EMSY: variants seen among roughly 807,000 people sequenced by gnomAD.
The protein encoded by EMSY is BRCA2-interacting transcriptional repressor EMSY.
A neutral mutation model predicts 134.6 loss-of-function variants in EMSY; 26 were observed. That is an observed-to-expected ratio of 0.19 (90% CI 0.14 to 0.27). The LOEUF is 0.27. Among genes scored for constraint, EMSY ranks in the 10% least tolerant of loss-of-function variants. The pLI is 1.00. For missense variants in EMSY, 1,305 were observed against 1,611.4 expected (o/e 0.81, Z 3.26); for synonymous variants, 579 against 577.8 (o/e 1.00, Z -0.03).
At chr11:76,495,974 A>G (rs1012339337) in intron 8 of EMSY, among the ~76,000 whole-genome samples, 1 of 152,166 alleles carries the variant, frequency 6.6e-6, no homozygotes, top group Non-Finnish European at 1.5e-5. Context: ...CTCTTCACCA[A>G]GGGAAAATCA....
intron 5 of EMSY, chr11:76,459,220 A>G (rs1478456480): frequency 6.6e-6 from 1 of 152,184 alleles, no homozygotes; most frequent in Non-Finnish European, 1.5e-5. Flanking sequence ...GTCATTTCCT[A>G]GCTGTATGAC....
rs189360082 is a variant in EMSY, at chr11:76,457,721, A to G, written c.246-462A>G. Among the ~76,000 whole-genome samples the G allele has an allele frequency of 4.4e-3, 670 of 152,336 alleles. 2 individuals carry two copies. Among genetic ancestry groups the G allele is most frequent in the Non-Finnish European group, 5.6e-3 (380 of 68,026 alleles). The stretch of plus-strand genomic sequence containing the variant: ...TTTGAAAGCCTTAGAACCTCTGGCC[A>G]TGCAGGCAGTTAGATAATTTTCAAA... On this transcript the variant is annotated intron_variant, in intron 4 of 20. Transcript: ENST00000334736.
chr11:76,467,959 G>A lies in EMSY; in HGVS notation c.831+3879G>A, dbSNP rs535929390. Reference sequence around the variant, plus strand: ...GTGCCATTGCACTCCAGCCTGGGCAGCAGGAGCTAAACTCCATCTCAAAAA... The same window carrying A: ...GTGCCATTGCACTCCAGCCTGGGCAACAGGAGCTAAACTCCATCTCAAAAA... On this transcript the variant is annotated intron_variant, in intron 7 of 20. Coordinates refer to ENST00000334736, the Ensembl canonical transcript of EMSY. Among the ~76,000 whole-genome samples the A allele has an allele frequency of 2.0e-5, 3 of 146,686 alleles. 1 individual carries two copies. In the South Asian group the frequency reaches 6.4e-4, roughly 31 times the overall value.
chr11:76,542,738 T>TGTTTTTG (rs1951487365), intron 18 of EMSY, among the ~76,000 whole-genome samples: 1 of 120,332 alleles, frequency 8.3e-6, no homozygotes, highest in African/African-American at 3.5e-5. Context: ...GTTTGTAGTT[T>TGTTTTTG]GTTTTTCGTT....
At chr11:76,452,246 G>A (rs1488164116) in intron 3 of EMSY, among the ~76,000 whole-genome samples, 3 of 152,144 alleles carry the variant, frequency 2.0e-5, no homozygotes, top group African/African-American at 7.2e-5. Context: ...GGATAAGGGA[G>A]GTGCTTTTGA....
chr11:76,461,109 G>C (rs772341763), intron 6 of EMSY: 2 of 152,230 alleles, frequency 1.3e-5, no homozygotes, highest in African/African-American at 2.4e-5. Context: ...AGTGGAAAGA[G>C]AGCAGGTGTA....
intron 7 of EMSY, among the ~76,000 whole-genome samples, chr11:76,469,414 A>G (rs995498213): frequency 2.0e-5 from 3 of 152,232 alleles, no homozygotes; most frequent in Non-Finnish European, 4.4e-5. Context: ...TGGCTGTGGC[A>G]GCAGCTGTGA....
intron 14 of EMSY, among the ~76,000 whole-genome samples, chr11:76,529,310 A>G (rs1176993060): frequency 6.6e-5 from 10 of 151,858 alleles, no homozygotes; most frequent in Non-Finnish European, 1.0e-4. Flanking sequence ...CTGCCTTCCC[A>G]TTATCCTCTC....
intron 7 of EMSY, among the ~76,000 whole-genome samples, chr11:76,469,006 C>T (rs1216229122): frequency 1.3e-5 from 2 of 152,210 alleles, no homozygotes; most frequent in East Asian, 3.9e-4. Flanking sequence ...AAGTAGGTTT[C>T]CTCCAAGGTG....
chr11:76,461,930 T>TAAAAG (rs1004261405), intron 6 of EMSY, among the ~76,000 whole-genome samples: 8 of 136,606 alleles, frequency 5.9e-5, no homozygotes, highest in Non-Finnish European at 1.3e-4. Context: ...GCCTCCATCT[T>TAAAAG]AAAAGAAAAG....
At chr11:76,488,345 A>G (rs1463821324) in intron 8 of EMSY, among the ~76,000 whole-genome samples, 1 of 152,140 alleles carries the variant, frequency 6.6e-6, no homozygotes, top group Non-Finnish European at 1.5e-5. Context: ...GTACACCTGT[A>G]ATCGTAGCTA....
intron 8 of EMSY, among the ~76,000 whole-genome samples, chr11:76,493,246 C>T (rs1179637004): frequency 6.6e-6 from 1 of 152,220 alleles, no homozygotes; most frequent in African/African-American, 2.4e-5. Flanking sequence ...GAACCGCCCC[C>T]ACCCCCAGAC....
intron 14 of EMSY, among the ~76,000 whole-genome samples, chr11:76,531,593 T>A (rs1038035771): frequency 2.0e-5 from 3 of 152,170 alleles, no homozygotes; most frequent in Non-Finnish European, 4.4e-5. Context: ...TTAACATTGA[T>A]CACTTGGTTA....
At chr11:76,533,767 G>A (rs988155690) in intron 14 of EMSY, among the ~76,000 whole-genome samples, 2 of 152,142 alleles carry the variant, frequency 1.3e-5, no homozygotes, top group Non-Finnish European at 2.9e-5. Context: ...TGAGGGACAG[G>A]CTGCCATCTG....
At position 76,523,139 on chromosome 11, in the gene EMSY, T is replaced by C; in HGVS notation, c.1685-16T>C. ...AGTCCTTAACTCAGGCCTCCTTTTC[T>C]TCCCCCTTTTCTAAGGAACGACTAC... On this transcript the variant is annotated splice_polypyrimidine_tract_variant and intron_variant, in intron 11 of 20. Transcript: ENST00000334736. 1 of 1,600,512 alleles carries C rather than the reference T, an allele frequency of 6.2e-7. No individual in the cohort carries two copies. Among genetic ancestry groups the C allele is most frequent in the Non-Finnish European group, 8.5e-7 (1 of 1,175,890 alleles).
intron 9 of EMSY, among the ~76,000 whole-genome samples, chr11:76,499,167 G>A (rs763362721): frequency 6.6e-5 from 10 of 151,842 alleles, no homozygotes. Context: ...TTACCATGCT[G>A]GCCAGGCTGG....
chr11:76,455,279 G>A (rs1555040196), intron 4 of EMSY, among the ~76,000 whole-genome samples: 1 of 151,766 alleles, frequency 6.6e-6, no homozygotes, highest in Non-Finnish European at 1.5e-5. Context: ...ATAATTTTGA[G>A]CTTCTTAGGT....
chr11:76,522,495 G>A (rs1187466643), intron 11 of EMSY, among the ~76,000 whole-genome samples: 2 of 149,556 alleles, frequency 1.3e-5, no homozygotes, highest in East Asian at 4.0e-4. Context: ...AGCCTCCCAA[G>A]TAGCTGGGAT....
chr11:76,448,781 T>C (rs1293308855), intron 2 of EMSY, among the ~76,000 whole-genome samples: 1 of 152,022 alleles, frequency 6.6e-6, no homozygotes, highest in Non-Finnish European at 1.5e-5. Context: ...TAACTCTAGG[T>C]CCAAAGTTTA....
Sources: allele counts gnomAD v4.1 joint callset (sites outside exome capture counted in the v4.1 genomes callset), GRCh38; gene constraint gnomAD v4.1.1; transcripts MANE v1.5; gene names NCBI Gene and HGNC (gene_info 2026-07-23, HGNC 2026-07-21).